ACSL6: variants seen among roughly 807,000 people sequenced by gnomAD.
ACSL6 encodes the protein acyl-CoA synthetase long chain family member 6.
A neutral mutation model predicts 98.2 loss-of-function variants in ACSL6; 47 were observed. The ratio of observed to expected loss-of-function variants is 0.48; its 90% CI spans 0.38 to 0.61. The LOEUF (loss-of-function observed/expected upper bound fraction) is 0.61. ACSL6 is among the 20% of genes least tolerant of loss of function. The probability of loss-of-function intolerance (pLI) is 0.00; values close to 1 mark genes in which losing one functional copy is unlikely to be tolerated. For synonymous variants in ACSL6, 362 were observed against 336.9 expected (o/e 1.07, Z -0.82); for missense variants, 761 against 913.4 (o/e 0.83, Z 2.15).
chr5:131,973,281 G>T lies in ACSL6; in HGVS notation c.1188C>A (p.Asn396Lys), dbSNP rs1221530083. Residue 396 changes from asparagine to lysine, a missense_variant, in exon 12 of 21, where the codon AAC becomes AAA. Physicochemically the swap from Asn to Lys is moderately conservative, Grantham distance 94. Transcript: ENST00000651883. Reference protein sequence around the residue: ...TIFPVVPRLLNRMYDKIFSQA... With the variant: ...TIFPVVPRLLKRMYDKIFSQA... The stretch of plus-strand genomic sequence containing the variant: ...CAGAACTTACCTTGTCGTACATCCG[G>T]TTCAGCAGTCGTGGGACCACAGGGA... 2 of 1,614,014 alleles carry T rather than the reference G, an allele frequency of 1.2e-6. No homozygotes were observed. The highest frequency in any genetic ancestry group is 2.7e-5 in the African/African-American group (2 of 74,938).
Position 131,966,547 on chromosome 5 carries a change from C to T in ACSL6, c.1597-15G>A. Reference sequence around the variant, plus strand: ...CTCACACATATCTATGGGACAAAAACCATGGCTTCTCTCAGCCACATCATG... The same window carrying T: ...CTCACACATATCTATGGGACAAAAATCATGGCTTCTCTCAGCCACATCATG... On this transcript the variant is annotated splice_polypyrimidine_tract_variant and intron_variant, in intron 16 of 20. Transcript: ENST00000651883. 4 of 1,609,352 alleles carry T rather than the reference C, an allele frequency of 2.5e-6. No homozygotes were observed. Among genetic ancestry groups the T allele is most frequent in the Non-Finnish European group, 3.4e-6 (4 of 1,175,662 alleles).
rs1179692141 is a variant in ACSL6 at position 131,954,236 on chromosome 5, A to C, written c.2167T>G (p.Ter723GlyextTer17). Reference sequence around the variant, plus strand: ...CTGAGAAGAACTTTCCTTGAACTTCACATGGAGATTGAGTAAAGCTCTTCT... The same window carrying C: ...CTGAGAAGAACTTTCCTTGAACTTCCCATGGAGATTGAGTAAAGCTCTTCT... The part of the protein sequence containing the change: ...QIEELYSISM[*>G] The change falls in exon 21 of 21, where the codon TGA (stop) becomes GGA (glycine). Residue 723 changes from the stop codon to glycine, a stop_lost. Coordinates refer to ENST00000651883, the MANE Select transcript of ACSL6 (RefSeq NM_001009185.3). The C allele has an allele frequency of 2.5e-6, 4 of 1,611,268 alleles. No homozygotes were observed. Among genetic ancestry groups the C allele is most frequent in the Non-Finnish European group, 3.4e-6 (4 of 1,179,252 alleles).
intron 1 of ACSL6, among the ~76,000 whole-genome samples, chr5:132,010,568 A>T (rs567247815): frequency 6.6e-6 from 1 of 152,204 alleles, no homozygotes; most frequent in South Asian, 2.1e-4. Context: ...TGCTGTTTGA[A>T]TGTGAGATAA....
At chr5:131,969,965 A>G (rs1446534765) in intron 15 of ACSL6, among the ~76,000 whole-genome samples, 163 bp downstream of exon 15, 1 of 152,202 alleles carries the variant, frequency 6.6e-6, no homozygotes, top group Non-Finnish European at 1.5e-5. Flanking sequence ...CAGATTCACA[A>G]TGCCACAACC....
chr5:132,011,882 C>T, upstream of ACSL6: 2 of 1,543,896 alleles, frequency 1.3e-6, no homozygotes, highest in South Asian at 1.2e-5. The surrounding 1 kb of genome is among the most constrained non-coding windows in gnomAD (Gnocchi z 5.4). Flanking sequence ...AGCGAACCAG[C>T]CCTCTCCGGC....
At chr5:131,967,609 G>A (rs1404366210) in intron 16 of ACSL6, among the ~76,000 whole-genome samples, 2 of 151,588 alleles carry the variant, frequency 1.3e-5, no homozygotes, top group East Asian at 1.9e-4. Flanking sequence ...AGGTTGCAGT[G>A]AGCAGAGATC....
rs1753424961 is a variant in ACSL6 at position 131,973,398 on chromosome 5, A to G, written c.1071T>C (p.Ser357=). 6.2e-7 allele frequency: 1 copy of G among 1,614,022 alleles called. No homozygotes were observed. ...CACGCCCTCCGTGGCAATAGACGAC[A>G]GACTAGAAAGACAGGACAGGAAGGG... is the stretch of plus-strand genomic sequence containing the variant. ...LAHMFERVIQ[S]VVYCHGGRVG... is the part of the protein sequence containing the mutation. Residue 357 remains serine (S), a splice_region_variant and synonymous_variant, in exon 12 of 21, where the codon TCT becomes TCC. Transcript: ENST00000651883.
chr5:131,972,913 T>C (rs1753393577), intron 12 of ACSL6, 55 bp from the exon 13 acceptor site: 3 of 1,612,452 alleles, frequency 1.9e-6, no homozygotes, highest in African/African-American at 1.3e-5. Flanking sequence ...CATTTCTAGA[T>C]ATATCCCCCA....
At position 132,011,404 on chromosome 5, in the gene ACSL6, G is replaced by T; in HGVS notation, c.49+101C>A. On this transcript the variant is annotated intron_variant, in intron 1 of 20. Transcript: ENST00000651883. This position sits in a 1 kb window ranked among gnomAD's most constrained non-coding sequence, Gnocchi z 5.4. ...CGGGACAGCTCAGCAGCAGGGGATG[G>T]GGGCTCGGCGGCCGCGGAGATGTAA... 7.8e-7 allele frequency: 1 copy of T among 1,286,938 alleles called. No individual in the cohort carries two copies. Among genetic ancestry groups the T allele is most frequent in the South Asian group, 1.2e-5 (1 of 81,478 alleles). The allele number at this position is 1,286,938 out of a possible 1,614,324, so 79.7% of individuals were successfully genotyped here. A position where few individuals can be genotyped will look rare whatever the true frequency, so the allele number is the denominator to read the frequency against.
intron 1 of ACSL6, among the ~76,000 whole-genome samples, chr5:132,008,545 C>T (rs1273864929): frequency 1.3e-5 from 2 of 152,168 alleles, no homozygotes; most frequent in Non-Finnish European, 2.9e-5. Flanking sequence ...CTCCTACTAC[C>T]CTCCTGGACT....
At chr5:131,998,971 T>C (rs1754926533) in intron 1 of ACSL6, among the ~76,000 whole-genome samples, 1 of 152,194 alleles carries the variant, frequency 6.6e-6, no homozygotes, top group Non-Finnish European at 1.5e-5. Flanking sequence ...GGGGTTCATA[T>C]GATGGAGTTC....
chr5:131,962,454 G>T, intron 18 of ACSL6, 81 bp downstream of exon 18: 2 of 1,462,260 alleles, frequency 1.4e-6, no homozygotes, highest in Non-Finnish European at 1.8e-6. Context: ...GAATCCTGGT[G>T]CCTGATTGGA....
chr5:131,970,038 A>C, intron 15 of ACSL6, 90 bp downstream of exon 15: 3 of 1,156,928 alleles, frequency 2.6e-6, no homozygotes, highest in Non-Finnish European at 3.9e-6. Flanking sequence ...GTACCCATGC[A>C]AATTTACTTT....
chr5:132,008,958 A>C (rs1755565412), intron 1 of ACSL6, among the ~76,000 whole-genome samples: 1 of 152,138 alleles, frequency 6.6e-6, no homozygotes, highest in African/African-American at 2.4e-5. Context: ...CTCTGCTCCC[A>C]TTGTCCTCTA....
rs1414775100 is a variant in ACSL6 at position 131,989,378 on chromosome 5, C to G, written c.552+29G>C. On this transcript the variant is annotated intron_variant, in intron 5 of 20. Coordinates refer to ENST00000651883, the MANE Select transcript of ACSL6 (RefSeq NM_001009185.3). ...CAGCCAACCCCTACCCCACGAATCC[C>G]TCTAAAACCAGTCAAGGTAGATGCT... is the stretch of plus-strand genomic sequence containing the variant. 6 of 1,607,426 alleles carry G rather than the reference C, an allele frequency of 3.7e-6. No homozygotes were observed. The East Asian group carries it at 1.3e-4, about 36-fold the overall frequency.
chr5:132,012,056 G>A (rs1463125530), upstream of ACSL6: 3 of 1,242,440 alleles, frequency 2.4e-6, no homozygotes, highest in Non-Finnish European at 2.2e-6. Flanking sequence ...TTTATGGCTG[G>A]GCAGGCTCGA....
chr5:131,997,410 T>C (rs938062551), intron 1 of ACSL6, among the ~76,000 whole-genome samples: 3 of 152,138 alleles, frequency 2.0e-5, no homozygotes, highest in Non-Finnish European at 4.4e-5. Context: ...CCCCAACCCC[T>C]GCCAACATTG....
At chr5:131,973,477 C>A in intron 11 of ACSL6, 77 bp from the exon 12 acceptor site, 1 of 1,506,022 alleles carries the variant, frequency 6.6e-7, no homozygotes, top group South Asian at 1.3e-5. Flanking sequence ...GTCCAAAGTG[C>A]TGCCCTACAT....
At chr5:131,989,339 G>T in intron 5 of ACSL6, 68 bp downstream of exon 5, 1 of 1,439,440 alleles carries the variant, frequency 6.9e-7, no homozygotes, top group Non-Finnish European at 9.7e-7. Context: ...AGTGAAAGCA[G>T]GACTATTCCA....
Sources: allele counts gnomAD v4.1 joint callset (sites outside exome capture counted in the v4.1 genomes callset), GRCh38; gene constraint gnomAD v4.1.1; non-coding constraint Gnocchi (gnomAD v3.1); transcripts MANE v1.5; gene names NCBI Gene and HGNC (gene_info 2026-07-23, HGNC 2026-07-21).